Variants in PUM1 observed in about 807,000 individuals in gnomAD.
PUM1 encodes the protein pumilio RNA binding family member 1, also known as pumilio homolog 1.
PUM1 carries 13 observed loss-of-function variants against 131.8 expected under a neutral mutation model. That is an observed-to-expected ratio of 0.10 (90% CI 0.06 to 0.16). The LOEUF is 0.16. Ranked by LOEUF, PUM1 falls within the 10% of genes least tolerant of loss-of-function variation. The pLI is 1.00. For synonymous variants in PUM1, 509 were observed against 556.5 expected, an observed-to-expected ratio of 0.91 and a Z score of 1.20; for missense variants, 961 against 1,512.4, an observed-to-expected ratio of 0.64 and a Z score of 6.05.
intron 3 of PUM1, among the ~76,000 whole-genome samples, chr1:31,028,165 T>A (rs1360394963): frequency 6.6e-6 from 1 of 152,240 alleles, no homozygotes. Flanking sequence ...TCTCTATTGA[T>A]GTAATGGATA....
At chr1:30,961,358 A>T (rs966569612) in intron 14 of PUM1, among the ~76,000 whole-genome samples, 1 of 151,688 alleles carries the variant, frequency 6.6e-6, no homozygotes, top group South Asian at 2.1e-4. Context: ...AAAAAAAAAA[A>T]AAAAAAATTA....
At chr1:31,032,911 G>A (rs769202329) in intron 2 of PUM1, among the ~76,000 whole-genome samples, 1 of 152,154 alleles carries the variant, frequency 6.6e-6, no homozygotes, top group Non-Finnish European at 1.5e-5. Flanking sequence ...TTCAAGACCA[G>A]CCTGGCCAAC....
chr1:30,973,484 A>G (rs1391135838), intron 10 of PUM1, among the ~76,000 whole-genome samples: 1 of 152,222 alleles, frequency 6.6e-6, no homozygotes, highest in Non-Finnish European at 1.5e-5. Flanking sequence ...GATGTTAATC[A>G]ATCTCATTTA....
At chr1:30,936,609 C>T (rs1045555842) in intron 21 of PUM1, 34 bp downstream of exon 21, 8 of 1,583,990 alleles carry the variant, frequency 5.1e-6, no homozygotes, top group Middle Eastern at 1.7e-4. Context: ...AGGCCTTGCA[C>T]ACTTTCTCTG....
chr1:31,051,746 C>T (rs1307592717), intron 2 of PUM1, among the ~76,000 whole-genome samples: 1 of 152,104 alleles, frequency 6.6e-6, no homozygotes, highest in African/African-American at 2.4e-5. Context: ...TCCAAATTTC[C>T]CTTCCCCCAG....
At chr1:31,057,724 C>CAAA (rs58490041) in intron 2 of PUM1, among the ~76,000 whole-genome samples, 888 of 71,504 alleles carry the variant, frequency 0.012, 3 homozygotes, top group African/African-American at 0.023. Flanking sequence ...GACTCCATCT[C>CAAA]AAAAAAAAAA....
chr1:30,933,968 T>C (rs1203412647), intron 21 of PUM1, among the ~76,000 whole-genome samples: 1 of 152,154 alleles, frequency 6.6e-6, no homozygotes, highest in Non-Finnish European at 1.5e-5. Context: ...GTTGAATGGC[T>C]AACAAAGGAC....
intron 1 of PUM1, among the ~76,000 whole-genome samples, chr1:31,060,903 T>TAATA (rs932696731): frequency 2.7e-4 from 39 of 146,964 alleles, no homozygotes; most frequent in African/African-American, 8.8e-4. Context: ...AAAAAAAAAA[T>TAATA]AATAAATAAA....
rs117457418 is a variant in PUM1 at position 30,938,054 on chromosome 1, A to G, written c.3243-1219T>C. The stretch of plus-strand genomic sequence containing the variant: ...CCCAAAGTGCTGGGATTATAGGCAT[A>G]AGCCACCGCACCCGGCCCTATTTTT... On this transcript the variant is annotated intron_variant, in intron 20 of 21. Transcript: ENST00000426105. Among the ~76,000 whole-genome samples, 776 of 151,894 alleles carry G rather than the reference A, an allele frequency of 5.1e-3. 5 individuals are homozygous for G. The highest frequency in any genetic ancestry group is 0.033 in the East Asian group (168 of 5,140).
intron 9 of PUM1, among the ~76,000 whole-genome samples, chr1:30,979,302 T>C (rs1641264416): frequency 6.6e-6 from 1 of 152,196 alleles, no homozygotes; most frequent in South Asian, 2.1e-4. Flanking sequence ...ATGCAGTATC[T>C]GCAGCAAACT....
intron 2 of PUM1, among the ~76,000 whole-genome samples, chr1:31,040,872 C>T (rs1643792790): frequency 6.6e-6 from 1 of 152,242 alleles, no homozygotes; most frequent in South Asian, 2.1e-4. Context: ...AACGCACACA[C>T]ACACGAGTGC....
At chr1:30,938,372 C>T (rs1255195424) in intron 20 of PUM1, among the ~76,000 whole-genome samples, 1 of 152,192 alleles carries the variant, frequency 6.6e-6, no homozygotes, top group Non-Finnish European at 1.5e-5. Context: ...CCTGACTCAG[C>T]CTCCCAAGTA....
intron 2 of PUM1, among the ~76,000 whole-genome samples, chr1:31,054,917 C>T (rs1040782065): frequency 6.6e-6 from 1 of 152,062 alleles, no homozygotes; most frequent in African/African-American, 2.4e-5. Context: ...AACGTGGACA[C>T]TGGAATCAAA....
intron 2 of PUM1, among the ~76,000 whole-genome samples, chr1:31,030,395 G>GA (rs1025411295): frequency 1.3e-5 from 2 of 152,026 alleles, no homozygotes; most frequent in African/African-American, 2.4e-5. Flanking sequence ...AAGCAATGGA[G>GA]AAAAGAGTAT....
chr1:30,952,704 A>AGGG (rs1639996608), intron 15 of PUM1, among the ~76,000 whole-genome samples: 2 of 35,300 alleles, frequency 5.7e-5, no homozygotes, highest in Admixed American at 4.3e-4. Flanking sequence ...CGGGAGGGGC[A>AGGG]GGGGTGCAGG....
intron 20 of PUM1, among the ~76,000 whole-genome samples, chr1:30,940,816 C>T (rs1639413833): frequency 1.3e-5 from 2 of 152,250 alleles, no homozygotes; most frequent in African/African-American, 2.4e-5. Flanking sequence ...TGGTAAACTG[C>T]CTTTCTTTCA....
chr1:30,956,947 A>G (rs1640189983), intron 14 of PUM1, among the ~76,000 whole-genome samples: 1 of 152,152 alleles, frequency 6.6e-6, no homozygotes, highest in Non-Finnish European at 1.5e-5. Flanking sequence ...GCAAAAACAT[A>G]ATGACTAATC....
intron 7 of PUM1, among the ~76,000 whole-genome samples, chr1:30,985,650 CAAAAAA>C: frequency 1.5e-5 from 1 of 65,238 alleles, no homozygotes; most frequent in South Asian, 5.0e-4. Context: ...AACTCCATCT[CAAAAAA>C]AAAAAAAAAA....
At chr1:30,996,872 T>G (rs1641998581) in intron 5 of PUM1, among the ~76,000 whole-genome samples, 1 of 152,244 alleles carries the variant, frequency 6.6e-6, no homozygotes, top group African/African-American at 2.4e-5. Context: ...TACTCATTTT[T>G]ATATCCCTAG....
Sources: allele counts gnomAD v4.1 joint callset (sites outside exome capture counted in the v4.1 genomes callset), GRCh38; gene constraint gnomAD v4.1.1; transcripts MANE v1.5; gene names NCBI Gene and HGNC (gene_info 2026-07-23, HGNC 2026-07-21).